The following MUC13 variants were observed in gnomAD, a reference collection of about 807,000 sequenced individuals.
The protein encoded by MUC13 is mucin-13.
In MUC13, 32 loss-of-function variants were observed where a neutral mutation model predicts 48.3. The observed-to-expected ratio is 0.66, with a 90% confidence interval of 0.50 to 0.89. The LOEUF is 0.89. Ranked by LOEUF, MUC13 falls within the 40% of genes least tolerant of loss-of-function variation. The probability of loss-of-function intolerance (pLI) is 0.00; values close to 1 mark genes in which losing one functional copy is unlikely to be tolerated. For missense variants in MUC13, 571 were observed against 622.8 expected, an observed-to-expected ratio of 0.92 and a Z score of 0.88; for synonymous variants, 199 against 224.9, an observed-to-expected ratio of 0.88 and a Z score of 1.03.
At chr3:124,927,498 A>G (rs747546194) in intron 2 of MUC13, 34 bp downstream of exon 2, 10 of 1,596,080 alleles carry the variant, frequency 6.3e-6, no homozygotes, top group Non-Finnish European at 7.7e-6. Flanking sequence ...TGTACTCTCC[A>G]TCCTTGGGGA....
At chr3:124,932,250 G>A (rs999172704) in intron 1 of MUC13, among the ~76,000 whole-genome samples, 3 of 151,766 alleles carry the variant, frequency 2.0e-5, no homozygotes, top group Non-Finnish European at 4.4e-5. Flanking sequence ...ACAAAGAAGA[G>A]GAAATCAAAA....
chr3:124,920,147 G>C lies in MUC13; in HGVS notation c.800+87C>G, dbSNP rs115997337. Reference sequence around the variant, plus strand: ...CTTAACTTGTGACTTGCCACAGAGGGCCTTAATGTTACATGCAGACCTCAA... The same window carrying C: ...CTTAACTTGTGACTTGCCACAGAGGCCCTTAATGTTACATGCAGACCTCAA... On this transcript the variant is annotated intron_variant, in intron 5 of 11. Coordinates refer to ENST00000616727, the MANE Select transcript of MUC13 (RefSeq NM_033049.4). 258 of 1,088,970 alleles carry C rather than the reference G, an allele frequency of 2.4e-4. 1 individual carries two copies. In the African/African-American group the frequency reaches 3.7e-3, roughly 16 times the overall value. 67.5% of individuals were successfully genotyped at this position (1,088,970 alleles called of 1,614,324 possible).
intron 3 of MUC13, 112 bp from the exon 4 acceptor site, chr3:124,922,415 A>T (rs1289082964): frequency 7.7e-7 from 1 of 1,302,088 alleles, no homozygotes; most frequent in African/African-American, 1.5e-5. Flanking sequence ...TAACGACACT[A>T]CAGGAAATCT....
chr3:124,933,026 T>C (rs1438501711), intron 1 of MUC13, among the ~76,000 whole-genome samples: 1 of 152,128 alleles, frequency 6.6e-6, no homozygotes, highest in African/African-American at 2.4e-5. Context: ...CATACAAGCC[T>C]CACCAATTCT....
chr3:124,908,180 T>G lies in MUC13; in HGVS notation c.1506A>C (p.Ser502=). ...CAGGGCGGGGCATGCTGCTGTGTCTTGAATAGGGATTTTGCATCTGGCTGT... is the reference window on the plus strand; with the variant it reads ...CAGGGCGGGGCATGCTGCTGTGTCTGGAATAGGGATTTTGCATCTGGCTGT... The part of the protein sequence containing the change: ...SRDSQMQNPY[S]RHSSMPRPDY Residue 502 remains serine (S), a synonymous_variant, in exon 11 of 12, where the codon TCA becomes TCC. Transcript: ENST00000616727. 1.9e-6 allele frequency: 3 copies of G among 1,614,168 alleles called. No homozygotes were observed. The highest frequency in any genetic ancestry group is 2.5e-6 in the Non-Finnish European group (3 of 1,180,032).
chr3:124,916,360 A>C lies in MUC13; in HGVS notation c.921T>G (p.Asn307Lys), dbSNP rs1472794911. Residue 307 changes from asparagine (N) to lysine (K), a missense_variant, in exon 6 of 12, where the codon AAT becomes AAG. Coordinates refer to ENST00000616727, the MANE Select transcript of MUC13 (RefSeq NM_033049.4). ...TGCTTGAGCTACTTCTAATTGCTTTATTAATTTTCTCAGTCACAGTCTTCT... is the reference window on the plus strand; with the variant it reads ...TGCTTGAGCTACTTCTAATTGCTTTCTTAATTTTCTCAGTCACAGTCTTCT... ...DNEKTVTEKINKAIRSSSSNF... is the reference protein window; with the variant it reads ...DNEKTVTEKIKKAIRSSSSNF... 34 of 1,613,184 alleles carry C rather than the reference A, an allele frequency of 2.1e-5. No homozygotes were observed. The highest frequency in any genetic ancestry group is 2.8e-5 in the Non-Finnish European group (33 of 1,179,828).
intron 10 of MUC13, among the ~76,000 whole-genome samples, chr3:124,909,891 A>T (rs1935389173): frequency 6.6e-6 from 1 of 152,190 alleles, no homozygotes. Context: ...TAAACCAAAA[A>T]AAACCTCAAT....
At position 124,932,328 on chromosome 3, in the gene MUC13, G is replaced by A. The variant is rs1303410789; in HGVS notation, c.52+2333C>T. On this transcript the variant is annotated intron_variant, in intron 1 of 11. Coordinates refer to ENST00000616727, the MANE Select transcript of MUC13 (RefSeq NM_033049.4). ...CGCCTGTAATCCCAGCACTTTGGGA[G>A]GCCAAGGCAGGTGGATCTCCTGAGG... 5.9e-5 allele frequency among the ~76,000 whole-genome samples: 9 copies of A among 152,294 alleles called. No homozygotes were observed. In the East Asian group the frequency reaches 1.7e-3, roughly 29 times the overall value.
intron 4 of MUC13, 35 bp from the exon 5 acceptor site, chr3:124,920,324 A>C (rs781418264): frequency 1.3e-6 from 2 of 1,550,688 alleles, no homozygotes; most frequent in Admixed American, 3.9e-5. Flanking sequence ...ACAAGTAAAA[A>C]AAATTTTTTT....
In MUC13 at chr3:124,905,743, G is replaced by T. The variant is rs1005972600; in HGVS notation, c.*1000C>A. 1.3e-5 allele frequency: 2 copies of T among 152,930 alleles called. No homozygotes were observed. The highest frequency in any genetic ancestry group is 2.4e-5 in the African/African-American group (1 of 41,422). The allele number at this position is 152,930 out of a possible 1,614,324, so 9.5% of individuals were successfully genotyped here. A position where few individuals can be genotyped will look rare whatever the true frequency, so the allele number is the denominator to read the frequency against. ...TGGACGGCTGGACTCCTGAGCACAA[G>T]CTCCCTCTCGCACCCTTTGCCAGAC... On this transcript the variant is annotated 3_prime_UTR_variant, in exon 12 of 12. Coordinates refer to ENST00000616727, the MANE Select transcript of MUC13 (RefSeq NM_033049.4).
chr3:124,912,959 C>A (rs1935448915), intron 8 of MUC13, 152 bp downstream of exon 8: 2,078 of 188,770 alleles, frequency 0.011, no homozygotes, highest in Middle Eastern at 0.021. Flanking sequence ...AAAAAAAAAA[C>A]TATTGATGAT....
In MUC13 at chr3:124,923,549, G is replaced by A. The variant is rs1450092221; in HGVS notation, c.615C>T (p.Tyr205=). 3 of 1,613,534 alleles carry A rather than the reference G, an allele frequency of 1.9e-6. No individual in the cohort carries two copies. The highest frequency in any genetic ancestry group is 1.7e-5 in the Admixed American group (1 of 59,994). Residue 205 remains tyrosine (Y), a synonymous_variant, in exon 3 of 12, where the codon TAC becomes TAT. Coordinates refer to ENST00000616727, the MANE Select transcript of MUC13 (RefSeq NM_033049.4). ...CACCTTTCTTACATGTAGAAGAGTT[G>A]TAGTAATACCCTTCTAAACACAGGC... The part of the protein sequence containing the change: ...SFCLCLEGYY[Y]NSSTCKKGKV...
chr3:124,908,474 A>G, intron 10 of MUC13, 126 bp from the exon 11 acceptor site: 1 of 805,438 alleles, frequency 1.2e-6, no homozygotes, highest in Non-Finnish European at 1.9e-6. Context: ...AAGTTACAAA[A>G]TACATATATT....
intron 2 of MUC13, among the ~76,000 whole-genome samples, chr3:124,925,527 ATG>A (rs1935672043): frequency 6.6e-6 from 1 of 152,188 alleles, no homozygotes; most frequent in African/African-American, 2.4e-5. Context: ...TTGATAATAT[ATG>A]TGTCAGGCCA....
chr3:124,920,922 G>A (rs1935584410), intron 4 of MUC13, among the ~76,000 whole-genome samples: 1 of 152,254 alleles, frequency 6.6e-6, no homozygotes, highest in African/African-American at 2.4e-5. Context: ...ACATGGCAAA[G>A]GGACAGAGCA....
At chr3:124,923,739 C>A in intron 2 of MUC13, 90 bp from the exon 3 acceptor site, 1 of 1,351,370 alleles carries the variant, frequency 7.4e-7, no homozygotes, top group East Asian at 2.4e-5. Flanking sequence ...TGCCTCCCCC[C>A]TGGGCCCTTT....
Position 124,908,104 on chromosome 3 carries a change from T to A in MUC13, c.*43A>T, listed in dbSNP as rs765142385. 12 of 1,600,052 alleles carry A rather than the reference T, an allele frequency of 7.5e-6. No homozygotes were observed. In the East Asian group the frequency reaches 1.6e-4, roughly 21 times the overall value. ...CAACCAGGTCTCTGCTCTGCCCTGG[T>A]GCATTCACTCCCAAAAGCAGGAGAA... On this transcript the variant is annotated intron_variant, in intron 11 of 11. Transcript: ENST00000616727.
chr3:124,916,523 G>A (rs1559998156), intron 5 of MUC13, 43 bp from the exon 6 acceptor site: 3 of 1,556,224 alleles, frequency 1.9e-6, no homozygotes, highest in South Asian at 2.3e-5. Flanking sequence ...TTGAACTGAA[G>A]AATCAACAAA....
intron 11 of MUC13, among the ~76,000 whole-genome samples, chr3:124,907,657 TAGAGAG>T (rs71800171): frequency 4.9e-5 from 7 of 143,826 alleles, no homozygotes; most frequent in African/African-American, 7.8e-5. Flanking sequence ...TATATATATA[TAGAGAG>T]AGAGAGAGAG....
Sources: allele counts gnomAD v4.1 joint callset (sites outside exome capture counted in the v4.1 genomes callset), GRCh38; gene constraint gnomAD v4.1.1; transcripts MANE v1.5; gene names NCBI Gene and HGNC (gene_info 2026-07-23, HGNC 2026-07-21).